LHFPL3: variants seen among roughly 807,000 people sequenced by gnomAD.
LHFPL3 encodes the protein LHFPL tetraspan subfamily member 3 protein.
Under a neutral mutation model 19.3 loss-of-function variants are expected in LHFPL3, and 5 were observed. The ratio of observed to expected loss-of-function variants is 0.26; its 90% CI spans 0.14 to 0.54. LHFPL3 has a LOEUF of 0.54. Among genes scored for constraint, LHFPL3 ranks in the 20% least tolerant of loss-of-function variants. The pLI is 0.94. For synonymous variants in LHFPL3, 133 were observed against 126.2 expected (o/e 1.05, Z -0.36); for missense variants, 249 against 307.4 (o/e 0.81, Z 1.42).
intron 1 of LHFPL3, among the ~76,000 whole-genome samples, chr7:104,504,343 C>T (rs959358496): frequency 1.1e-4 from 17 of 152,116 alleles, no homozygotes; most frequent in Non-Finnish European, 4.4e-5. Context: ...CAGGATTTCC[C>T]AGGATTTTCT....
At chr7:104,689,829 C>G (rs1792876181) in intron 1 of LHFPL3, among the ~76,000 whole-genome samples, 2 of 152,246 alleles carry the variant, frequency 1.3e-5, no homozygotes, top group South Asian at 4.1e-4. Flanking sequence ...GTCCAACTTA[C>G]AGTGGGTCCA....
intron 1 of LHFPL3, among the ~76,000 whole-genome samples, chr7:104,511,028 G>A: frequency 6.6e-6 from 1 of 151,864 alleles, no homozygotes; most frequent in Non-Finnish European, 1.5e-5. Context: ...TAACAAACCT[G>A]CACTTGTACT....
At chr7:104,377,567 AG>A (rs1790739966) in intron 1 of LHFPL3, among the ~76,000 whole-genome samples, 1 of 152,228 alleles carries the variant, frequency 6.6e-6, no homozygotes, top group African/African-American at 2.4e-5. Context: ...TCTTTTGCTT[AG>A]AGTACTTAAA....
chr7:104,603,289 A>G (rs1370072663), intron 1 of LHFPL3, among the ~76,000 whole-genome samples: 1 of 151,502 alleles, frequency 6.6e-6, no homozygotes, highest in African/African-American at 2.4e-5. Context: ...TTGACTTCCA[A>G]GGCCCAAGCA....
intron 1 of LHFPL3, among the ~76,000 whole-genome samples, chr7:104,510,620 G>A (rs41053): frequency 0.14 from 21,078 of 151,874 alleles, 1,589 homozygotes; most frequent in East Asian, 0.21. Flanking sequence ...TGTAATCTAG[G>A]GCTAGGCAAA....
chr7:104,631,383 T>C (rs1791639118), intron 1 of LHFPL3, among the ~76,000 whole-genome samples: 1 of 151,802 alleles, frequency 6.6e-6, no homozygotes, highest in African/African-American at 2.4e-5. Context: ...GAAATCCCGA[T>C]TGGCCCTTGA....
intron 1 of LHFPL3, among the ~76,000 whole-genome samples, chr7:104,338,793 C>T (rs1343547322): frequency 6.6e-6 from 1 of 152,092 alleles, no homozygotes; most frequent in Non-Finnish European, 1.5e-5. Context: ...ACCCTTTGTG[C>T]TGTAAAAAAT....
At chr7:104,500,002 A>G (rs1793570042) in intron 1 of LHFPL3, among the ~76,000 whole-genome samples, 1 of 152,252 alleles carries the variant, frequency 6.6e-6, no homozygotes. Flanking sequence ...AGACTGAGTC[A>G]GAAAGATGAG....
In LHFPL3 at chr7:104,729,267, C is replaced by T. The variant is rs62484624; in HGVS notation, c.446-7408C>T. Among the ~76,000 whole-genome samples, 743 of 152,138 alleles carry T rather than the reference C, an allele frequency of 4.9e-3. 3 individuals carry two copies. The highest frequency in any genetic ancestry group is 0.031 in the Middle Eastern group (9 of 292). ...TCATAATAATCTCACGTATTTATGG[C>T]AAACATATAATGGGATGTTTTAATA... On this transcript the variant is annotated intron_variant, in intron 1 of 2. Coordinates refer to ENST00000424859, the MANE Select transcript of LHFPL3 (RefSeq NM_199000.3).
intron 1 of LHFPL3, among the ~76,000 whole-genome samples, chr7:104,397,033 G>T (rs185834077): frequency 6.6e-6 from 1 of 152,184 alleles, no homozygotes; most frequent in African/African-American, 2.4e-5. Context: ...TGCTTGGTTG[G>T]ATTAAAAAAC....
chr7:104,353,267 T>G (rs1035970363), intron 1 of LHFPL3, among the ~76,000 whole-genome samples: 2 of 152,204 alleles, frequency 1.3e-5, no homozygotes, highest in African/African-American at 4.8e-5. Flanking sequence ...TAAAACTACC[T>G]GTGCTTATAG....
intron 2 of LHFPL3, chr7:104,799,428 GA>G: frequency 6.6e-6 from 1 of 152,338 alleles, no homozygotes; most frequent in South Asian, 2.1e-4. Context: ...CTCACCCCTG[GA>G]AGAGATTTTC....
At chr7:104,516,087 G>A (rs933811437) in intron 1 of LHFPL3, among the ~76,000 whole-genome samples, 1 of 152,074 alleles carries the variant, frequency 6.6e-6, no homozygotes, top group Admixed American at 6.6e-5. Context: ...AAGGAAAAAG[G>A]TTTAGTTGAC....
chr7:104,443,973 C>G (rs1792277570), intron 1 of LHFPL3, among the ~76,000 whole-genome samples: 1 of 152,226 alleles, frequency 6.6e-6, no homozygotes, highest in Non-Finnish European at 1.5e-5. Context: ...ATGCAGTATT[C>G]ATTTCCCAAA....
intron 1 of LHFPL3, among the ~76,000 whole-genome samples, chr7:104,484,916 A>G (rs1793209127): frequency 6.6e-6 from 1 of 152,232 alleles, no homozygotes; most frequent in South Asian, 2.1e-4. Context: ...TCACCTCCTA[A>G]AAATCTCAAC....
intron 1 of LHFPL3, among the ~76,000 whole-genome samples, chr7:104,377,269 A>G (rs6972034): frequency 0.91 from 138,487 of 152,248 alleles, 63,145 homozygotes; most frequent in African/African-American, 0.97. Context: ...ACTGAGAGAG[A>G]AATGCATCAT....
intron 1 of LHFPL3, among the ~76,000 whole-genome samples, chr7:104,332,744 CTAAG>C: frequency 6.6e-6 from 1 of 152,220 alleles, no homozygotes; most frequent in Non-Finnish European, 1.5e-5. Context: ...CCTCCTCACT[CTAAG>C]TCTTTATCAA....
chr7:104,707,153 A>G (rs1260051944), intron 1 of LHFPL3, among the ~76,000 whole-genome samples: 5 of 152,244 alleles, frequency 3.3e-5, no homozygotes, highest in Non-Finnish European at 5.9e-5. Context: ...TGTGTCTGAC[A>G]GCAGATGGAT....
chr7:104,835,248 A>G (rs559928662), intron 2 of LHFPL3, among the ~76,000 whole-genome samples: 1 of 152,064 alleles, frequency 6.6e-6, no homozygotes, highest in South Asian at 2.1e-4. Flanking sequence ...AGTGCTTAGT[A>G]TGATGCACAG....
Sources: gnomAD v4.1 joint callset for allele counts (sites outside exome capture counted in the v4.1 genomes callset) on GRCh38, gnomAD v4.1.1 for gene constraint, MANE v1.5 for transcripts, NCBI Gene and HGNC (gene_info 2026-07-23, HGNC 2026-07-21) for gene names.